The following DDX4 variants were observed in gnomAD, a reference collection of about 807,000 sequenced individuals.
DDX4 encodes probable ATP-dependent RNA helicase DDX4.
Under a neutral mutation model 100.0 loss-of-function variants are expected in DDX4, and 25 were observed. That is an observed-to-expected ratio of 0.25 (90% CI 0.18 to 0.35). The LOEUF is 0.35. DDX4 is among the 10% of genes least tolerant of loss of function. The probability of loss-of-function intolerance (pLI) is 1.00; values close to 1 mark genes in which losing one functional copy is unlikely to be tolerated. For missense variants in DDX4, 635 were observed against 882.4 expected (o/e 0.72, Z 3.55); for synonymous variants, 259 against 275.7 (o/e 0.94, Z 0.60).
At chr5:55,745,703 G>A (rs909117493) in intron 2 of DDX4, among the ~76,000 whole-genome samples, 7 of 152,104 alleles carry the variant, frequency 4.6e-5, no homozygotes, top group Admixed American at 2.6e-4. Context: ...GATTACATAC[G>A]AGAGCCACCA....
intron 2 of DDX4, among the ~76,000 whole-genome samples, chr5:55,745,518 G>A (rs1266430293): frequency 6.6e-6 from 1 of 151,966 alleles, no homozygotes; most frequent in East Asian, 1.9e-4. Flanking sequence ...TGCCTCCCAG[G>A]CGAAGTGAAC....
chr5:55,815,367 C>T lies in DDX4; in HGVS notation c.2041C>T (p.Pro681Ser), dbSNP rs373207863. 34 of 1,613,806 alleles carry T rather than the reference C, an allele frequency of 2.1e-5. No individual in the cohort carries two copies. Among genetic ancestry groups the T allele is most frequent in the Middle Eastern group, 1.7e-4 (1 of 6,042 alleles). Residue 681 changes from proline to serine, a missense_variant, in exon 21 of 22, where the codon CCT becomes TCT. Coordinates refer to ENST00000505374, the MANE Select transcript of DDX4 (RefSeq NM_024415.3). ...LEEIAFSTYI[P>S]GFSGSTRGNV... ...AGAAATTGCCTTTAGTACATACATT[C>T]CTGGCTTCAGTGGTAGTACAAGAGG... is the stretch of plus-strand genomic sequence containing the variant.
At chr5:55,752,872 C>T (rs1327635159) in intron 3 of DDX4, among the ~76,000 whole-genome samples, 14 of 149,866 alleles carry the variant, frequency 9.3e-5, no homozygotes, top group Non-Finnish European at 1.3e-4. Flanking sequence ...GAATGATTGC[C>T]ATTCTAACTG....
intron 10 of DDX4, among the ~76,000 whole-genome samples, 176 bp from the exon 11 acceptor site, chr5:55,785,121 T>C (rs1390763011): frequency 1.3e-5 from 2 of 152,240 alleles, no homozygotes; most frequent in African/African-American, 4.8e-5. Flanking sequence ...CGTAAAATCA[T>C]CTTGAATACT....
intron 2 of DDX4, 95 bp from the exon 3 acceptor site, chr5:55,746,069 A>G: frequency 6.3e-6 from 6 of 951,136 alleles, no homozygotes; most frequent in Non-Finnish European, 9.5e-6. Flanking sequence ...GTTCTGAACA[A>G]AGCTCAATTG....
chr5:55,783,617 AAAGG>A (rs1742054093), intron 10 of DDX4, among the ~76,000 whole-genome samples: 1 of 150,792 alleles, frequency 6.6e-6, no homozygotes, highest in Non-Finnish European at 1.5e-5. Flanking sequence ...AGACAGACCA[AAAGG>A]AAGGAGGGAG....
At chr5:55,783,674 G>A (rs7449402) in intron 10 of DDX4, among the ~76,000 whole-genome samples, 2 of 108,872 alleles carry the variant, frequency 1.8e-5, no homozygotes, top group African/African-American at 3.4e-5. Context: ...TGGATGGATG[G>A]ATGAATGGAT....
intron 7 of DDX4, among the ~76,000 whole-genome samples, chr5:55,770,180 A>G (rs1035042665): frequency 6.6e-6 from 1 of 151,478 alleles, no homozygotes; most frequent in Non-Finnish European, 1.5e-5. Flanking sequence ...TTTACTTTCT[A>G]ATGTCACTGG....
intron 3 of DDX4, among the ~76,000 whole-genome samples, chr5:55,751,661 A>G (rs952841701): frequency 2.6e-5 from 4 of 151,968 alleles, no homozygotes; most frequent in East Asian, 1.9e-4. Context: ...AGCTTTTCCT[A>G]TTGTTGATTG....
At chr5:55,803,169 A>C (rs560605961) in intron 18 of DDX4, among the ~76,000 whole-genome samples, 1 of 148,088 alleles carries the variant, frequency 6.8e-6, no homozygotes, top group African/African-American at 2.5e-5. Context: ...TCATTGTTCA[A>C]TTCCCACCGA....
chr5:55,799,034 A>T (rs1240161815), intron 18 of DDX4, among the ~76,000 whole-genome samples: 4 of 151,378 alleles, frequency 2.6e-5, no homozygotes, highest in African/African-American at 4.9e-5. Flanking sequence ...ATCTGTGGGA[A>T]TTTTTTTTTC....
intron 3 of DDX4, among the ~76,000 whole-genome samples, chr5:55,748,717 A>C (rs1759378581): frequency 6.6e-6 from 1 of 152,116 alleles, no homozygotes; most frequent in South Asian, 2.1e-4. Flanking sequence ...ATACCTAAAT[A>C]TGCTTATTGT....
In DDX4 at chr5:55,816,409, C is replaced by G; in HGVS notation, c.2098-54C>G. The G allele has an allele frequency of 2.2e-5, 33 of 1,532,230 alleles. 1 individual carries two copies. The South Asian group carries it at 2.5e-4, about 12-fold the overall frequency. 94.9% of individuals were successfully genotyped at this position (1,532,230 alleles called of 1,614,324 possible). A position where few individuals can be genotyped will look rare whatever the true frequency, so the allele number is the denominator to read the frequency against. ...CTGAGTGATGTAACTTTAAAGCTGTCATAAAATTAAATGTTTGTTTGTTTC... is the reference window on the plus strand; with the variant it reads ...CTGAGTGATGTAACTTTAAAGCTGTGATAAAATTAAATGTTTGTTTGTTTC... On this transcript the variant is annotated intron_variant, in intron 21 of 21. Coordinates refer to ENST00000505374, the MANE Select transcript of DDX4 (RefSeq NM_024415.3).
chr5:55,766,967 G>T, intron 6 of DDX4: 3 of 1,529,230 alleles, frequency 2.0e-6, no homozygotes, highest in Non-Finnish European at 2.6e-6. Context: ...AACTCTCCAG[G>T]TAGTTTTCAG....
In DDX4 at chr5:55,816,531, A is replaced by G. The variant is rs772053699; in HGVS notation, c.2166A>G (p.Ser722=). Residue 722 remains serine, a synonymous_variant, in exon 22 of 22, where the codon TCA becomes TCG. Coordinates refer to ENST00000505374, the MANE Select transcript of DDX4 (RefSeq NM_024415.3). ...SQAPNPVDDE[S]WD Reference sequence around the variant, plus strand: ...CTCCCAATCCAGTAGATGATGAGTCATGGGATTAAAGCCAAAACATCCTTC... The same window carrying G: ...CTCCCAATCCAGTAGATGATGAGTCGTGGGATTAAAGCCAAAACATCCTTC... 2 of 1,612,732 alleles carry G rather than the reference A, an allele frequency of 1.2e-6. No individual in the cohort carries two copies. The highest frequency in any genetic ancestry group is 1.1e-5 in the South Asian group (1 of 90,894).
intron 18 of DDX4, among the ~76,000 whole-genome samples, chr5:55,809,223 C>G (rs764084353): frequency 6.6e-6 from 1 of 152,188 alleles, no homozygotes; most frequent in African/African-American, 2.4e-5. Context: ...TCACCCCTTT[C>G]TTTGACTAGG....
intron 18 of DDX4, among the ~76,000 whole-genome samples, chr5:55,804,104 G>A (rs1561514806): frequency 6.6e-6 from 1 of 151,898 alleles, no homozygotes; most frequent in Non-Finnish European, 1.5e-5. Context: ...GTGGTTTTTG[G>A]CTGCATAAAT....
chr5:55,809,285 G>A (rs879655737), intron 18 of DDX4, among the ~76,000 whole-genome samples: 10 of 152,148 alleles, frequency 6.6e-5, no homozygotes, highest in Non-Finnish European at 1.3e-4. Flanking sequence ...ATGCCTGGCC[G>A]TGCTTCAGCT....
intron 18 of DDX4, among the ~76,000 whole-genome samples, chr5:55,804,853 T>G (rs1743588342): frequency 6.6e-6 from 1 of 152,180 alleles, no homozygotes; most frequent in Non-Finnish European, 1.5e-5. Context: ...TTTCCAATTC[T>G]GTGAAGAAAG....
Sources: gnomAD v4.1 joint callset for allele counts (sites outside exome capture counted in the v4.1 genomes callset) on GRCh38, gnomAD v4.1.1 for gene constraint, MANE v1.5 for transcripts, NCBI Gene and HGNC (gene_info 2026-07-23, HGNC 2026-07-21) for gene names.